The following FAM187B variants were observed in gnomAD, a reference collection of about 807,000 sequenced individuals.
The protein encoded by FAM187B is family with sequence similarity 187 member B.
FAM187B carries 22 observed loss-of-function variants against 22.6 expected under a neutral mutation model. The ratio of observed to expected loss-of-function variants is 0.97; its 90% CI spans 0.70 to 1.39. FAM187B has a LOEUF of 1.39. Among genes scored for constraint, FAM187B ranks in the 40% most tolerant of loss-of-function variants. FAM187B has a pLI of 0.00. For missense variants in FAM187B, 433 were observed against 462.1 expected, an observed-to-expected ratio of 0.94 and a Z score of 0.58; for synonymous variants, 192 against 201.8, an observed-to-expected ratio of 0.95 and a Z score of 0.41.
rs2065666404 is a variant in FAM187B, at chr19:35,227,942, G to A, written c.722+17C>T. On this transcript the variant is annotated intron_variant, in intron 1 of 1. Coordinates refer to ENST00000324675, the MANE Select transcript of FAM187B (RefSeq NM_152481.2). ...CGGAAGAATCTGGGTAGGGGCCAGA[G>A]GCAGGGATTCCATCACCTGTACATG... 6.3e-7 allele frequency: 1 copy of A among 1,587,562 alleles called. No homozygotes were observed. The highest frequency in any genetic ancestry group is 8.6e-7 in the Non-Finnish European group (1 of 1,164,000).
Position 35,225,089 on chromosome 19 carries a change from G to A in FAM187B, c.846C>T (p.Ala282=), listed in dbSNP as rs372887957. 4 of 1,610,636 alleles carry A rather than the reference G, an allele frequency of 2.5e-6. No homozygotes were observed. The highest frequency in any genetic ancestry group is 1.1e-5 in the South Asian group (1 of 90,784). Residue 282 remains alanine, a synonymous_variant, in exon 2 of 2, where the codon GCC becomes GCT. Transcript: ENST00000324675. ...CCTGCTGCACGAAGCACTTGTAGAC[G>A]GCCGGCTGGAAAACCTGCAGCTGCC... is the stretch of plus-strand genomic sequence containing the variant. ...GGRQLQVFQP[A]VYKCFVQQEL...
Position 35,225,034 on chromosome 19 carries a change from T to A in FAM187B, c.901A>T (p.Ser301Cys). The A allele has an allele frequency of 6.2e-7, 1 of 1,613,458 alleles. No individual in the cohort carries two copies. The highest frequency in any genetic ancestry group is 8.5e-7 in the Non-Finnish European group (1 of 1,179,662). Residue 301 changes from serine to cysteine, a missense_variant, in exon 2 of 2, where the codon AGT becomes TGT. Transcript: ENST00000324675. ...ELVAQFKPAA[S>C]LETLEAQWRE... ...CACTGAGCCTCCAGCGTCTCCAGACTGGCGGCGGGTTTGAACTGGGCCACG... is the reference window on the plus strand; with the variant it reads ...CACTGAGCCTCCAGCGTCTCCAGACAGGCGGCGGGTTTGAACTGGGCCACG...
Position 35,228,456 on chromosome 19 carries a change from C to T in FAM187B, c.225G>A (p.Met75Ile). Residue 75 changes from methionine (M) to isoleucine (I), a missense_variant, in exon 1 of 2, where the codon ATG (methionine) becomes ATA (isoleucine). By Grantham distance (10) the Met-to-Ile change is conservative (BLOSUM62 1). Coordinates refer to ENST00000324675, the MANE Select transcript of FAM187B (RefSeq NM_152481.2). Reference protein sequence around the residue: ...SLTNISNMEIMPEGSLLIKDP... With the variant: ...SLTNISNMEIIPEGSLLIKDP... The stretch of plus-strand genomic sequence containing the variant: ...CTTTAATGAGAAGGCTGCCCTCGGG[C>T]ATTATTTCCATATTGGAAATATTGG... 6.2e-7 allele frequency: 1 copy of T among 1,614,150 alleles called. No individual in the cohort carries two copies. Among genetic ancestry groups the T allele is most frequent in the South Asian group, 1.1e-5 (1 of 91,084 alleles).
intron 1 of FAM187B, among the ~76,000 whole-genome samples, chr19:35,225,980 T>C (rs1165917588): frequency 6.6e-6 from 1 of 152,142 alleles, no homozygotes; most frequent in Non-Finnish European, 1.5e-5. Context: ...GCCACGCTGC[T>C]CTCCTAGATG....
chr19:35,225,176 C>A lies in FAM187B; in HGVS notation c.759G>T (p.Thr253=), dbSNP rs142584501. ...CCTGGCCGGAGAGCTGGCTCTCCCA[C>A]GTCAGGGGGGTGTCGTTGGCACGCC... ...VNWRANDTPL[T]WESQLSGQDF... The change falls in exon 2 of 2, where the codon ACG becomes ACT. Residue 253 remains threonine, a synonymous_variant. Coordinates refer to ENST00000324675, the MANE Select transcript of FAM187B (RefSeq NM_152481.2). 7.9e-5 allele frequency: 121 copies of A among 1,527,756 alleles called. 1 individual carries two copies. The African/African-American group carries it at 1.6e-3, about 20-fold the overall frequency. 94.6% of individuals were successfully genotyped at this position (1,527,756 alleles called of 1,614,324 possible).
At position 35,228,416 on chromosome 19, in the gene FAM187B, G is replaced by A; in HGVS notation, c.265C>T (p.Gln89Ter). The change falls in exon 1 of 2, where the codon CAG (glutamine) becomes TAG (stop). Residue 89 changes from glutamine to a stop codon, truncating the protein, a stop_gained. Transcript: ENST00000324675. LOFTEE classifies it high-confidence loss of function. ...SLLIKDPLPS[Q>*]TGLYHCWNKN... ...TTCCAGCAGTGGTAGAGGCCCGTCTGGGAGGGCAATGGATCTTTAATGAGA... is the reference window on the plus strand; with the variant it reads ...TTCCAGCAGTGGTAGAGGCCCGTCTAGGAGGGCAATGGATCTTTAATGAGA... The A allele has an allele frequency of 6.2e-7, 1 of 1,614,058 alleles. No individual in the cohort carries two copies. The highest frequency in any genetic ancestry group is 8.5e-7 in the Non-Finnish European group (1 of 1,180,014).
At chr19:35,225,351 G>A in intron 1 of FAM187B, 139 bp from the exon 2 acceptor site, 3 of 1,090,684 alleles carry the variant, frequency 2.8e-6, no homozygotes, top group Non-Finnish European at 3.7e-6. Context: ...TCAACAGTGG[G>A]GTGGAGGAGG....
chr19:35,227,081 T>C (rs1445151171), intron 1 of FAM187B, among the ~76,000 whole-genome samples: 1 of 152,154 alleles, frequency 6.6e-6, no homozygotes, highest in Admixed American at 6.5e-5. Flanking sequence ...GATCTCTGAC[T>C]GCATCCAGAA....
At chr19:35,226,625 C>T (rs867659922) in intron 1 of FAM187B, among the ~76,000 whole-genome samples, 6 of 152,080 alleles carry the variant, frequency 3.9e-5, no homozygotes, top group Non-Finnish European at 5.9e-5. Flanking sequence ...AATCAGGCAC[C>T]GACACACCCA....
intron 1 of FAM187B, among the ~76,000 whole-genome samples, chr19:35,226,455 CCTGT>C (rs1258489353): frequency 1.3e-5 from 2 of 151,998 alleles, no homozygotes; most frequent in East Asian, 3.9e-4. Context: ...AGAGCAAGAC[CCTGT>C]CTCTAATAAT....
In FAM187B at chr19:35,225,059, G is replaced by C; in HGVS notation, c.876C>G (p.Leu292=). The C allele has an allele frequency of 8.1e-6, 13 of 1,612,848 alleles. No homozygotes were observed. The highest frequency in any genetic ancestry group is 1.1e-5 in the Non-Finnish European group (13 of 1,179,418). Residue 292 remains leucine (L), a synonymous_variant, in exon 2 of 2, where the codon CTC becomes CTG. Coordinates refer to ENST00000324675, the MANE Select transcript of FAM187B (RefSeq NM_152481.2). ...AVYKCFVQQE[L]VAQFKPAASL... is the part of the protein sequence containing the mutation. ...TGGCGGCGGGTTTGAACTGGGCCAC[G>C]AGCTCCTGCTGCACGAAGCACTTGT... is the stretch of plus-strand genomic sequence containing the variant.
chr19:35,228,457 A>G lies in FAM187B; in HGVS notation c.224T>C (p.Met75Thr). ...TTTAATGAGAAGGCTGCCCTCGGGC[A>G]TTATTTCCATATTGGAAATATTGGT... is the stretch of plus-strand genomic sequence containing the variant. ...SLTNISNMEI[M>T]PEGSLLIKDP... The change falls in exon 1 of 2, where the codon ATG becomes ACG. Residue 75 changes from methionine to threonine, a missense_variant. Coordinates refer to ENST00000324675, the MANE Select transcript of FAM187B (RefSeq NM_152481.2). The G allele has an allele frequency of 6.2e-7, 1 of 1,614,190 alleles. No homozygotes were observed. Among genetic ancestry groups the G allele is most frequent in the Non-Finnish European group, 8.5e-7 (1 of 1,180,038 alleles).
At chr19:35,226,142 C>T (rs55877896) in intron 1 of FAM187B, among the ~76,000 whole-genome samples, 16,187 of 152,162 alleles carry the variant, frequency 0.11, 1,134 homozygotes, top group Admixed American at 0.18. Context: ...CCCCTATTCC[C>T]AGCATCCCTT....
Position 35,228,681 on chromosome 19 carries a change from G to A in FAM187B, c.-1C>T, listed in dbSNP as rs755166313. ...GCAGCAGCCACAGCATGGGTGGCAT[G>A]GTGGACTGGGGCTGTGGCAGTGGGC... On this transcript the variant is annotated 5_prime_UTR_variant, in exon 1 of 2. Transcript: ENST00000324675. 2.2e-5 allele frequency: 36 copies of A among 1,601,240 alleles called. No homozygotes were observed. In the South Asian group the frequency reaches 3.9e-4, roughly 17 times the overall value.
intron 1 of FAM187B, among the ~76,000 whole-genome samples, chr19:35,226,157 C>A (rs893557560): frequency 6.6e-6 from 1 of 152,156 alleles, no homozygotes; most frequent in Non-Finnish European, 1.5e-5. Context: ...TCCCTTCCTG[C>A]TCCGTCACCA....
Position 35,227,959 on chromosome 19 carries a change from C to G in FAM187B, c.722G>C (p.Arg241Thr). The G allele has an allele frequency of 6.2e-7, 1 of 1,603,456 alleles. No individual in the cohort carries two copies. The highest frequency in any genetic ancestry group is 8.5e-7 in the Non-Finnish European group (1 of 1,173,620). ...WLDCPLGSMYRPVNWRANDTP... is the reference protein window; with the variant it reads ...WLDCPLGSMYTPVNWRANDTP... ...GGGCCAGAGGCAGGGATTCCATCAC[C>G]TGTACATGGATCCTAAGGGACAGTC... Residue 241 changes from arginine (R) to threonine (T), a missense_variant and splice_region_variant, in exon 1 of 2, where the codon AGG (arginine) becomes ACG (threonine). Transcript: ENST00000324675.
In FAM187B at chr19:35,225,118, C is replaced by T. The variant is rs750190930; in HGVS notation, c.817G>A (p.Gly273Ser). The T allele has an allele frequency of 2.4e-5, 39 of 1,605,412 alleles. No individual in the cohort carries two copies. Among genetic ancestry groups the T allele is most frequent in the Admixed American group, 3.4e-5 (2 of 59,090 alleles). Residue 273 changes from glycine to serine, a missense_variant, in exon 2 of 2, where the codon GGC (glycine) becomes AGC (serine). Transcript: ENST00000324675. Reference protein sequence around the residue: ...FTTFLDPSTGGRQLQVFQPAV... With the variant: ...FTTFLDPSTGSRQLQVFQPAV... Reference sequence around the variant, plus strand: ...GGCTGGAAAACCTGCAGCTGCCTGCCGCCGGTGGAGGGGTCCAGAAAGGTG... The same window carrying T: ...GGCTGGAAAACCTGCAGCTGCCTGCTGCCGGTGGAGGGGTCCAGAAAGGTG...
intron 1 of FAM187B, among the ~76,000 whole-genome samples, chr19:35,227,306 G>A (rs754708585): frequency 2.6e-5 from 4 of 151,210 alleles, no homozygotes; most frequent in African/African-American, 9.8e-5. Flanking sequence ...TGCAACCTCC[G>A]CCTCCCGGGT....
rs1374770861 is a variant in FAM187B, at chr19:35,224,816, G to A, written c.*9C>T. ...GAGGCCGGGTCCGCTTGTGCACCGG[G>A]GGCTCGCTTTATTTCACCACCAGCA... On this transcript the variant is annotated 3_prime_UTR_variant, in exon 2 of 2. Transcript: ENST00000324675. The A allele has an allele frequency of 6.3e-7, 1 of 1,597,090 alleles. No homozygotes were observed. The highest frequency in any genetic ancestry group is 1.1e-5 in the South Asian group (1 of 88,872).
Sources: allele counts gnomAD v4.1 joint callset (sites outside exome capture counted in the v4.1 genomes callset), GRCh38; gene constraint gnomAD v4.1.1; transcripts MANE v1.5; gene names NCBI Gene and HGNC (gene_info 2026-07-23, HGNC 2026-07-21).